The following PAPLN variants were observed in gnomAD, a reference collection of about 807,000 sequenced individuals.
The protein encoded by PAPLN is papilin, proteoglycan like sulfated glycoprotein.
PAPLN carries 146 observed loss-of-function variants against 159.0 expected under a neutral mutation model. The observed-to-expected ratio is 0.92, with a 90% confidence interval of 0.80 to 1.05. The LOEUF is 1.05. Ranked by LOEUF, PAPLN falls within the 50% of genes least tolerant of loss-of-function variation. PAPLN has a pLI of 0.00. For missense variants in PAPLN, 1,720 were observed against 1,743.9 expected, an observed-to-expected ratio of 0.99 and a Z score of 0.24; for synonymous variants, 734 against 702.9, an observed-to-expected ratio of 1.04 and a Z score of -0.70.
At chr14:73,269,374 T>C (rs1290879713) in intron 26 of PAPLN, among the ~76,000 whole-genome samples, 1 of 147,748 alleles carries the variant, frequency 6.8e-6, no homozygotes, top group Non-Finnish European at 1.5e-5. Flanking sequence ...ATATTTGATA[T>C]TGTAGCCTTA....
intron 5 of PAPLN, among the ~76,000 whole-genome samples, chr14:73,247,958 A>G (rs1236622455): frequency 3.9e-4 from 19 of 48,468 alleles, no homozygotes; most frequent in Admixed American, 9.1e-4. Context: ...GGCTGTGGGC[A>G]TGGCCCACTG....
chr14:73,242,229 G>A (rs191803167), intron 2 of PAPLN, among the ~76,000 whole-genome samples: 2 of 152,362 alleles, frequency 1.3e-5, no homozygotes, highest in East Asian at 3.9e-4. Context: ...GGGCACAGGA[G>A]GCAAGAGGGC....
chr14:73,254,920 T>G lies in PAPLN; in HGVS notation c.1529T>G (p.Ile510Ser), dbSNP rs571376974. 1.9e-6 allele frequency: 3 copies of G among 1,613,340 alleles called. No individual in the cohort carries two copies. The highest frequency in any genetic ancestry group is 2.5e-6 in the Non-Finnish European group (3 of 1,179,976). The change falls in exon 14 of 27, where the codon ATC (isoleucine) becomes AGC (serine). Residue 510 changes from isoleucine (I) to serine (S), a missense_variant. By Grantham distance (142) the Ile-to-Ser change is moderately radical. Transcript: ENST00000644200. ...TCGGGCACTCGGAGGCGACAGGTCA[T>G]CTGTGCCATTGGGCCGCCCAGCCAC... ...CSSGTRRRQV[I>S]CAIGPPSHCG...
chr14:73,268,947 A>G (rs779011642), intron 26 of PAPLN, among the ~76,000 whole-genome samples: 1 of 152,168 alleles, frequency 6.6e-6, no homozygotes. Context: ...AGTGGAGATG[A>G]AGGAAATGAT....
rs1887833028 is a variant in PAPLN at position 73,272,522 on chromosome 14, G to A, written c.3695G>A (p.Gly1232Asp). ...PAPTAQPRDP[G>D]RDCVDQPELA... ...CCCACCGCCCAGCCCAGGGACCCTG[G>A]CAGGGACTGCGTCGACCAGCCAGAG... The change falls in exon 27 of 27, where the codon GGC becomes GAC. Residue 1232 changes from glycine (G) to aspartate (D), a missense_variant. Gly to Asp is a moderately conservative substitution (Grantham distance 94). Transcript: ENST00000644200. The A allele has an allele frequency of 6.4e-6, 10 of 1,571,070 alleles. No individual in the cohort carries two copies. Among genetic ancestry groups the A allele is most frequent in the African/African-American group, 2.7e-5 (2 of 74,308 alleles).
Position 73,246,083 on chromosome 14 carries a change from A to AC in PAPLN, c.243dup (p.Gly82ArgfsTer36), listed in dbSNP as rs1409482003. ...CCCTCCGCCCCGCAGAGCTGCCCCG[A>AC]CGGCGCCCGGGACTTCCGGGCCGAG... On this transcript the variant is annotated frameshift_variant, in exon 5 of 27. Transcript: ENST00000644200. LOFTEE classifies it high-confidence loss of function. 1.9e-6 allele frequency: 3 copies of AC among 1,560,214 alleles called. No individual in the cohort carries two copies. The Admixed American group carries it at 5.6e-5, about 29-fold the overall frequency.
In PAPLN at chr14:73,268,672, C is replaced by T. The variant is rs1250283375; in HGVS notation, c.3616C>T (p.Gln1206Ter). 5 of 1,613,648 alleles carry T rather than the reference C, an allele frequency of 3.1e-6. No homozygotes were observed. The African/African-American group carries it at 4.0e-5, about 13-fold the overall frequency. ...GGGCTCCTACACGTGCAGTGCCTAC[C>T]AGGGGAGCCAGGCAGTCAGCCGCAG... ...DEGSYTCSAYQGSQAVSRSTE... is the reference protein window; with the variant it reads ...DEGSYTCSAY The change falls in exon 26 of 27, where the codon CAG (glutamine) becomes TAG (stop). Residue 1206 changes from glutamine to a stop codon, truncating the protein, a stop_gained. Coordinates refer to ENST00000644200, the MANE Select transcript of PAPLN (RefSeq NM_001365906.3). LOFTEE classifies it high-confidence loss of function.
At chr14:73,236,309 G>GCCC (rs1409477537), upstream of PAPLN, among the ~76,000 whole-genome samples, 2 of 152,296 alleles carry the variant, frequency 1.3e-5, no homozygotes, top group African/African-American at 4.8e-5. Flanking sequence ...TGCAGGCCCT[G>GCCC]CCCCCCGGGA....
chr14:73,263,228 T>G lies in PAPLN; in HGVS notation c.2723+401T>G, dbSNP rs546307858. 3.1e-5 allele frequency: 10 copies of G among 323,412 alleles called. No individual in the cohort carries two copies. In the South Asian group the frequency reaches 8.3e-4, roughly 27 times the overall value. 20.0% of individuals were successfully genotyped at this position (323,412 alleles called of 1,614,324 possible). On this transcript the variant is annotated intron_variant, in intron 19 of 26. Transcript: ENST00000644200. ...CCCTGTATACCTCACAGGTGTGGGT[T>G]CTGGTCAAGATGACTCCTGGGACTG...
rs771734384 is a variant in PAPLN, at chr14:73,253,783, C to G, written c.1124C>G (p.Ser375Ter). 3 of 1,605,234 alleles carry G rather than the reference C, an allele frequency of 1.9e-6. No homozygotes were observed. The highest frequency in any genetic ancestry group is 2.6e-6 in the Non-Finnish European group (3 of 1,173,482). ...RWKAGPWAPCSASCGGGSQSR... is the reference protein window; with the variant it reads ...RWKAGPWAPC ...AAGGCAGGGCCATGGGCACCCTGCTCAGCCTCCTGTGGAGGAGGCTCCCAG... is the reference window on the plus strand; with the variant it reads ...AAGGCAGGGCCATGGGCACCCTGCTGAGCCTCCTGTGGAGGAGGCTCCCAG... The change falls in exon 12 of 27, where the codon TCA (serine) becomes TGA (stop). Residue 375 changes from serine (S) to a stop codon, truncating the protein, a stop_gained. Transcript: ENST00000644200. LOFTEE classifies it high-confidence loss of function.
chr14:73,265,407 G>A lies in PAPLN; in HGVS notation c.3163G>A (p.Ala1055Thr). The A allele has an allele frequency of 6.2e-7, 1 of 1,612,046 alleles. No individual in the cohort carries two copies. The highest frequency in any genetic ancestry group is 8.5e-7 in the Non-Finnish European group (1 of 1,180,002). Residue 1055 changes from alanine to threonine, a missense_variant, in exon 23 of 27, where the codon GCC becomes ACC. By Grantham distance (58) the Ala-to-Thr change is moderately conservative. Coordinates refer to ENST00000644200, the MANE Select transcript of PAPLN (RefSeq NM_001365906.3). This position sits in a 1 kb window ranked among gnomAD's most constrained non-coding sequence, Gnocchi z 4.1. ...LDQNQPRVVD[A>T]SPGQRIRMTC... ...CCAGAACCAGCCCCGGGTGGTGGAT[G>A]CCAGTCCAGGCCAGCGGATCCGGAT... is the stretch of plus-strand genomic sequence containing the variant.
At position 73,252,874 on chromosome 14, in the gene PAPLN, T is replaced by TGGG. The variant is rs1885453234; in HGVS notation, c.1094+102_1094+104dup. The TGGG allele has an allele frequency of 1.5e-5, 23 of 1,540,722 alleles. 1 individual carries two copies. The South Asian group carries it at 2.8e-4, about 19-fold the overall frequency. On this transcript the variant is annotated intron_variant, in intron 11 of 26. Coordinates refer to ENST00000644200, the MANE Select transcript of PAPLN (RefSeq NM_001365906.3). ...CTGCTTTAGGTGTAGAACAAAGAGG[T>TGGG]GGGGGTCCAGGGCCCCCCACGCTGT...
chr14:73,248,075 CTGTGTGTG>C lies in PAPLN; in HGVS notation c.335-1884_335-1877del, dbSNP rs71112722. On this transcript the variant is annotated intron_variant, in intron 5 of 26. Transcript: ENST00000644200. ...TGGCCCAGTGGGAGTCTCATATCCT[CTGTGTGTG>C]TGTGTGTGTGTGTGTGTGTGTGTGC... Among the ~76,000 whole-genome samples, 278 of 45,592 alleles carry C rather than the reference CTGTGTGTG, an allele frequency of 6.1e-3. 14 individuals carry two copies. The highest frequency in any genetic ancestry group is 0.041 in the African/African-American group (264 of 6,386). 29.9% of individuals were successfully genotyped at this position (45,592 alleles called of 152,430 possible). A position where few individuals can be genotyped will look rare whatever the true frequency, so the allele number is the denominator to read the frequency against.
rs771046089 is a variant in PAPLN, at chr14:73,258,990, A to G, written c.1639A>G (p.Met547Val). The change falls in exon 15 of 27, where the codon ATG (methionine) becomes GTG (valine). Residue 547 changes from methionine to valine, a missense_variant. Met to Val is a conservative substitution (Grantham distance 21). Transcript: ENST00000644200. ...PCHLPQEVPS[M>V]QDVHTPASNP... is the part of the protein sequence containing the mutation. ...CCGGCTCCCTGCAGAGGTCCCCAGCATGCAGGATGTGCACACCCCTGCCAG... is the reference window on the plus strand; with the variant it reads ...CCGGCTCCCTGCAGAGGTCCCCAGCGTGCAGGATGTGCACACCCCTGCCAG... 2 of 1,611,292 alleles carry G rather than the reference A, an allele frequency of 1.2e-6. No homozygotes were observed. Among genetic ancestry groups the G allele is most frequent in the Admixed American group, 3.4e-5 (2 of 59,696 alleles).
At chr14:73,236,038 G>GC (rs951235829), upstream of PAPLN, among the ~76,000 whole-genome samples, 3 of 152,206 alleles carry the variant, frequency 2.0e-5, no homozygotes, top group African/African-American at 7.2e-5. Context: ...GGGGCTAAAG[G>GC]CAGAACAGCG....
chr14:73,241,997 C>T (rs2140178128), intron 2 of PAPLN, among the ~76,000 whole-genome samples: 3 of 152,368 alleles, frequency 2.0e-5, no homozygotes, highest in Middle Eastern at 6.8e-3. Context: ...CAGGTGAGGG[C>T]AGGCCCCAGG....
chr14:73,251,454 A>G (rs1885240893), intron 7 of PAPLN, 32 bp from the exon 8 acceptor site: 1 of 1,589,932 alleles, frequency 6.3e-7, no homozygotes, highest in African/African-American at 1.3e-5. Context: ...GGGATAGCCC[A>G]GCACACCCAG....
chr14:73,263,767 C>G lies in PAPLN; in HGVS notation c.2846C>G (p.Pro949Arg). ...GCTGCCTGGCAGAAAGATGGCCAGCCCATCTCCTCTGACAGGTGGGTGAGA... is the reference window on the plus strand; with the variant it reads ...GCTGCCTGGCAGAAAGATGGCCAGCGCATCTCCTCTGACAGGTGGGTGAGA... ...SQAAWQKDGQ[P>R]ISSDRHRLQF... The change falls in exon 20 of 27, where the codon CCC becomes CGC. Residue 949 changes from proline to arginine, a missense_variant. Pro to Arg is a moderately radical substitution (Grantham distance 103, BLOSUM62 -2). Transcript: ENST00000644200. 6.2e-7 allele frequency: 1 copy of G among 1,604,486 alleles called. No individual in the cohort carries two copies. Among genetic ancestry groups the G allele is most frequent in the Non-Finnish European group, 8.5e-7 (1 of 1,179,784 alleles).
chr14:73,264,199 C>T lies in PAPLN; in HGVS notation c.2862-12C>T, dbSNP rs994245007. 4 of 1,613,356 alleles carry T rather than the reference C, an allele frequency of 2.5e-6. No homozygotes were observed. The highest frequency in any genetic ancestry group is 3.4e-6 in the Non-Finnish European group (4 of 1,179,880). On this transcript the variant is annotated splice_polypyrimidine_tract_variant and intron_variant, in intron 20 of 26. Transcript: ENST00000644200. ...GCCCAGAGCTCATGTCCTCCCACAC[C>T]ACCCCACTCAGGCACAGGCTGCAGT...
Sources: gnomAD v4.1 joint callset for allele counts (sites outside exome capture counted in the v4.1 genomes callset) on GRCh38, gnomAD v4.1.1 for gene constraint, Gnocchi (gnomAD v3.1) non-coding constraint, MANE v1.5 for transcripts, NCBI Gene and HGNC (gene_info 2026-07-23, HGNC 2026-07-21) for gene names.